The following ZNF841 variants were observed in gnomAD, a reference collection of about 807,000 sequenced individuals.
The protein encoded by ZNF841 is zinc finger protein 841.
ZNF841 carries 11 observed loss-of-function variants against 13.0 expected under a neutral mutation model. The observed-to-expected ratio is 0.85, with a 90% confidence interval of 0.53 to 1.40. The LOEUF (loss-of-function observed/expected upper bound fraction) is 1.40, where lower values mean the gene tolerates loss of function less well. Among genes scored for constraint, ZNF841 ranks in the 40% most tolerant of loss-of-function variants. ZNF841 has a pLI of 0.00. For synonymous variants in ZNF841, 369 were observed against 381.6 expected, an observed-to-expected ratio of 0.97 and a Z score of 0.38; for missense variants, 1,068 against 1,139.5, an observed-to-expected ratio of 0.94 and a Z score of 0.90.
At chr19:52,061,976 C>T (rs1475492561), downstream of ZNF841, among the ~76,000 whole-genome samples, 1 of 152,172 alleles carries the variant, frequency 6.6e-6, no homozygotes, top group Non-Finnish European at 1.5e-5. Context: ...GTCCCCCAAA[C>T]ACTCAGTGGG....
chr19:52,076,101 G>C lies in ZNF841; in HGVS notation c.214C>G (p.Gln72Glu), dbSNP rs2087891012. Reference protein sequence around the residue: ...QGKEPWTVVSQVKIARNPNCG... With the variant: ...QGKEPWTVVSEVKIARNPNCG... ...TTTGGGTTCCTCGCTATTTTCACTT[G>C]GCTCACCACAGTCCAGGGCTCTTTC... Residue 72 changes from glutamine to glutamate, a missense_variant, in exon 6 of 7, where the codon CAA (glutamine) becomes GAA (glutamate). Gln to Glu is a conservative substitution (Grantham distance 29). Coordinates refer to ENST00000594440, the MANE Select transcript of ZNF841 (RefSeq NM_001136499.2). 1.3e-6 allele frequency: 2 copies of C among 1,555,186 alleles called. No individual in the cohort carries two copies. The highest frequency in any genetic ancestry group is 2.7e-5 in the African/African-American group (2 of 73,020).
chr19:52,087,060 G>A (rs1016320780), intron 3 of ZNF841, among the ~76,000 whole-genome samples: 3 of 152,336 alleles, frequency 2.0e-5, no homozygotes, highest in African/African-American at 7.2e-5. Flanking sequence ...AAGGAAACTA[G>A]AGGCTTTAGG....
chr19:52,086,262 T>C (rs2088270652), intron 3 of ZNF841, among the ~76,000 whole-genome samples: 1 of 151,798 alleles, frequency 6.6e-6, no homozygotes, highest in South Asian at 2.1e-4. Flanking sequence ...TGGTGGGAGG[T>C]GGATGGATCA....
chr19:52,065,832 T>C lies in ZNF841; in HGVS notation c.2050A>G (p.Asn684Asp). 5 of 1,613,800 alleles carry C rather than the reference T, an allele frequency of 3.1e-6. No individual in the cohort carries two copies. The highest frequency in any genetic ancestry group is 4.2e-6 in the Non-Finnish European group (5 of 1,179,770). The change falls in exon 7 of 7, where the codon AAT becomes GAT. Residue 684 changes from asparagine to aspartate, a missense_variant. Physicochemically the swap from Asn to Asp is conservative, Grantham distance 23 (BLOSUM62 1). Coordinates refer to ENST00000594440, the MANE Select transcript of ZNF841 (RefSeq NM_001136499.2). The stretch of plus-strand genomic sequence containing the variant: ...TGGATAAAAGCCTCACCAAATTCAT[T>C]ACAGTGGTAAGGGTTCTCTCCAGTA... Reference protein sequence around the residue: ...IHTGENPYHCNEFGEAFIQSS... With the variant: ...IHTGENPYHCDEFGEAFIQSS...
At chr19:52,088,658 C>A (rs765626293) in intron 3 of ZNF841, among the ~76,000 whole-genome samples, 1 of 152,192 alleles carries the variant, frequency 6.6e-6, no homozygotes, top group Non-Finnish European at 1.5e-5. Context: ...TCATAGCCAC[C>A]TCCCATTGCT....
chr19:52,061,985 G>A (rs2087408664), downstream of ZNF841, among the ~76,000 whole-genome samples: 1 of 152,090 alleles, frequency 6.6e-6, no homozygotes, highest in Non-Finnish European at 1.5e-5. Flanking sequence ...ACACTCAGTG[G>A]GGAACACCAT....
intron 2 of ZNF841, among the ~76,000 whole-genome samples, chr19:52,092,976 C>T (rs1251851385): frequency 1.3e-5 from 2 of 152,050 alleles, no homozygotes; most frequent in Non-Finnish European, 2.9e-5. Context: ...AAAAGCTGGG[C>T]GTGGTGGCGG....
intron 2 of ZNF841, among the ~76,000 whole-genome samples, chr19:52,090,448 C>T (rs1395514945): frequency 2.6e-5 from 4 of 151,524 alleles, no homozygotes; most frequent in African/African-American, 9.7e-5. Context: ...AGTCTTAGCC[C>T]TTCACCCAGG....
At chr19:52,091,577 C>T (rs2088498302) in intron 2 of ZNF841, among the ~76,000 whole-genome samples, 1 of 152,052 alleles carries the variant, frequency 6.6e-6, no homozygotes, top group Admixed American at 6.6e-5. Flanking sequence ...CAAGAATATA[C>T]AATGAGGAAA....
chr19:52,062,025 C>T (rs542607763), downstream of ZNF841, among the ~76,000 whole-genome samples: 18 of 152,218 alleles, frequency 1.2e-4, no homozygotes, highest in South Asian at 1.0e-3. Context: ...CTTGCTACCC[C>T]GTAGGGAAGC....
At chr19:52,080,245 A>G (rs1277651176) in intron 4 of ZNF841, among the ~76,000 whole-genome samples, 1 of 152,216 alleles carries the variant, frequency 6.6e-6, no homozygotes, top group Non-Finnish European at 1.5e-5. Flanking sequence ...ATAAAGGAAC[A>G]GGAATCCCCA....
At chr19:52,084,628 G>T (rs1269658092) in intron 4 of ZNF841, among the ~76,000 whole-genome samples, 159 bp downstream of exon 4, 2 of 152,136 alleles carry the variant, frequency 1.3e-5, no homozygotes, top group African/African-American at 2.4e-5. Context: ...GTGAGATCTG[G>T]AATCTAAGTG....
In ZNF841 at chr19:52,065,565, C is replaced by G; in HGVS notation, c.2317G>C (p.Val773Leu). The change falls in exon 7 of 7, where the codon GTC (valine) becomes CTC (leucine). Residue 773 changes from valine (V) to leucine (L), a missense_variant. Val to Leu is a conservative substitution (Grantham distance 32). Coordinates refer to ENST00000594440, the MANE Select transcript of ZNF841 (RefSeq NM_001136499.2). ...GCGAGGCCTGAGCGATAACGGAAGA[C>G]CTTGCCACATTCATTACATTTGTAA... ...KPYKCNECGK[V>L]FRYRSGLARH... 2 of 1,613,998 alleles carry G rather than the reference C, an allele frequency of 1.2e-6. No homozygotes were observed. Among genetic ancestry groups the G allele is most frequent in the Non-Finnish European group, 1.7e-6 (2 of 1,179,946 alleles).
intron 6 of ZNF841, 86 bp from the exon 7 acceptor site, chr19:52,067,696 A>C: frequency 1.0e-6 from 1 of 955,740 alleles, no homozygotes; most frequent in Non-Finnish European, 1.4e-6. Context: ...CGCTAAACAT[A>C]ATGTTTATAC....
chr19:52,084,346 A>T (rs543850292), intron 4 of ZNF841, among the ~76,000 whole-genome samples: 48 of 152,304 alleles, frequency 3.2e-4, no homozygotes, highest in African/African-American at 1.2e-3. Context: ...TGTGGTATAA[A>T]ATCAGGCAGA....
chr19:52,081,633 G>A (rs538492942), intron 4 of ZNF841, among the ~76,000 whole-genome samples: 19 of 152,310 alleles, frequency 1.2e-4, no homozygotes, highest in African/African-American at 4.1e-4. Flanking sequence ...TGGGGTAATT[G>A]CTTAAGCCCA....
chr19:52,092,622 C>T (rs2088536395), intron 2 of ZNF841, among the ~76,000 whole-genome samples: 1 of 152,160 alleles, frequency 6.6e-6, no homozygotes, highest in African/African-American at 2.4e-5. Flanking sequence ...CAATGCAATC[C>T]AGCAATCCCA....
At chr19:52,063,644 A>T (rs1212009181), downstream of ZNF841, 1 of 152,188 alleles carries the variant, frequency 6.6e-6, no homozygotes, top group Non-Finnish European at 1.5e-5. Context: ...CACCATACCC[A>T]GCCCATTTGA....
intron 4 of ZNF841, among the ~76,000 whole-genome samples, chr19:52,082,654 C>T (rs1437911048): frequency 1.3e-5 from 2 of 152,150 alleles, no homozygotes; most frequent in Non-Finnish European, 2.9e-5. Context: ...GTGGTGAAGA[C>T]AGCATGCACA....
Sources: gnomAD v4.1 joint callset for allele counts (sites outside exome capture counted in the v4.1 genomes callset) on GRCh38, gnomAD v4.1.1 for gene constraint, MANE v1.5 for transcripts, NCBI Gene and HGNC (gene_info 2026-07-23, HGNC 2026-07-21) for gene names.